Variants in ZNF804B observed in about 807,000 individuals in gnomAD.
ZNF804B encodes zinc finger 804B.
In ZNF804B, 80 loss-of-function variants were observed where a neutral mutation model predicts 101.4. That is an observed-to-expected ratio of 0.79 (90% CI 0.66 to 0.95). The LOEUF is 0.95. Among genes scored for constraint, ZNF804B ranks in the 40% least tolerant of loss-of-function variants. The probability of loss-of-function intolerance (pLI) is 0.00; values close to 1 mark genes in which losing one functional copy is unlikely to be tolerated. For missense variants in ZNF804B, 1,673 were observed against 1,561.9 expected (o/e 1.07, Z -1.20); for synonymous variants, 622 against 558.8 (o/e 1.11, Z -1.59).
chr7:89,301,318 G>T (rs1477121212), intron 2 of ZNF804B, among the ~76,000 whole-genome samples: 1 of 150,738 alleles, frequency 6.6e-6, no homozygotes, highest in East Asian at 1.9e-4. Context: ...AAATAAAGTG[G>T]CCTGCAGTCG....
chr7:89,017,751 TG>T (rs2116208925), intron 1 of ZNF804B, among the ~76,000 whole-genome samples: 1 of 152,326 alleles, frequency 6.6e-6, no homozygotes, highest in East Asian at 1.9e-4. Flanking sequence ...TGGTTAAATT[TG>T]TTCCTAGGTA....
intron 1 of ZNF804B, among the ~76,000 whole-genome samples, chr7:88,901,273 G>A (rs1300210779): frequency 6.6e-6 from 1 of 151,814 alleles, no homozygotes; most frequent in Non-Finnish European, 1.5e-5. Flanking sequence ...TGTCTGAAAT[G>A]TAGTTATCTA....
intron 1 of ZNF804B, among the ~76,000 whole-genome samples, chr7:88,876,071 A>G (rs375414963): frequency 4.6e-5 from 7 of 152,270 alleles, no homozygotes; most frequent in East Asian, 1.9e-4. Flanking sequence ...TGATATTTCT[A>G]TCATGCTTCT....
intron 1 of ZNF804B, among the ~76,000 whole-genome samples, chr7:88,788,891 A>C (rs1411749394): frequency 2.6e-5 from 4 of 152,156 alleles, no homozygotes; most frequent in Non-Finnish European, 5.9e-5. Flanking sequence ...TAATCTTTTC[A>C]ACTGAAATTA....
At chr7:88,925,892 A>G (rs533220279) in intron 1 of ZNF804B, among the ~76,000 whole-genome samples, 3 of 152,310 alleles carry the variant, frequency 2.0e-5, no homozygotes, top group East Asian at 1.9e-4. Context: ...TGACAAAGTT[A>G]TGATGCTAGG....
chr7:88,902,920 T>A (rs1042975059), intron 1 of ZNF804B, among the ~76,000 whole-genome samples: 1 of 152,236 alleles, frequency 6.6e-6, no homozygotes, highest in Non-Finnish European at 1.5e-5. Flanking sequence ...TGCCAGTTTT[T>A]GATTTTATTT....
At chr7:88,794,977 C>G in intron 1 of ZNF804B, 1 of 1,509,390 alleles carries the variant, frequency 6.6e-7, no homozygotes, top group East Asian at 2.3e-5. Flanking sequence ...ATGATTCCAG[C>G]TTTTAGCTTA....
intron 1 of ZNF804B, chr7:88,794,401 A>G: frequency 6.2e-7 from 1 of 1,613,738 alleles, no homozygotes; most frequent in South Asian, 1.1e-5. Flanking sequence ...GTAGAGTGAC[A>G]GTTTATGAGT....
At chr7:89,217,260 G>T (rs1157915705) in intron 1 of ZNF804B, among the ~76,000 whole-genome samples, 1 of 152,156 alleles carries the variant, frequency 6.6e-6, no homozygotes, top group African/African-American at 2.4e-5. Flanking sequence ...ATATTGAGAA[G>T]GTTGGCTTTA....
chr7:89,030,605 A>G (rs1287369793), intron 1 of ZNF804B, among the ~76,000 whole-genome samples: 1 of 152,162 alleles, frequency 6.6e-6, no homozygotes, highest in African/African-American at 2.4e-5. Flanking sequence ...CAAATATCTT[A>G]ACTTTTTTTG....
intron 2 of ZNF804B, among the ~76,000 whole-genome samples, chr7:89,229,511 A>C (rs1420853046): frequency 1.3e-5 from 2 of 152,262 alleles, no homozygotes; most frequent in African/African-American, 4.8e-5. Context: ...CCAAGAAGAC[A>C]TAATCTTTTA....
At chr7:88,965,386 G>T (rs1793439707) in intron 1 of ZNF804B, among the ~76,000 whole-genome samples, 1 of 151,356 alleles carries the variant, frequency 6.6e-6, no homozygotes, top group African/African-American at 2.4e-5. Context: ...ATGAATCTTT[G>T]TAAGTCCATG....
chr7:89,320,066 GA>G (rs113839456), intron 2 of ZNF804B, among the ~76,000 whole-genome samples: 12,777 of 150,698 alleles, frequency 0.085, 606 homozygotes, highest in Non-Finnish European at 0.12. Flanking sequence ...GGGGCTAGGG[GA>G]GGGATAGCAT....
intron 1 of ZNF804B, among the ~76,000 whole-genome samples, chr7:88,801,710 A>C (rs1282347048): frequency 6.6e-6 from 1 of 152,136 alleles, no homozygotes; most frequent in African/African-American, 2.4e-5. Flanking sequence ...TTTAAAAAAG[A>C]AACAAAATTA....
At chr7:88,827,588 C>G (rs1472369352) in intron 1 of ZNF804B, among the ~76,000 whole-genome samples, 1 of 152,024 alleles carries the variant, frequency 6.6e-6, no homozygotes, top group East Asian at 1.9e-4. Context: ...TCTAGGTGCA[C>G]TTTTAACAGT....
At chr7:89,276,060 A>G (rs529816110) in intron 2 of ZNF804B, among the ~76,000 whole-genome samples, 1 of 152,032 alleles carries the variant, frequency 6.6e-6, no homozygotes, top group South Asian at 2.1e-4. Context: ...TAGCAAACTA[A>G]CACAGGAACA....
intron 1 of ZNF804B, among the ~76,000 whole-genome samples, chr7:88,913,954 T>A (rs1792591468): frequency 6.6e-6 from 1 of 152,154 alleles, no homozygotes. Flanking sequence ...CTGAGCAAAG[T>A]TGCCATGGGA....
intron 2 of ZNF804B, among the ~76,000 whole-genome samples, chr7:89,314,387 C>T (rs1790690273): frequency 1.3e-5 from 2 of 152,042 alleles, no homozygotes; most frequent in South Asian, 4.1e-4. Context: ...ACTACACCTA[C>T]CAGTCATACT....
chr7:89,094,505 A>G (rs1295750992), intron 1 of ZNF804B, among the ~76,000 whole-genome samples: 4 of 152,112 alleles, frequency 2.6e-5, no homozygotes, highest in Admixed American at 1.3e-4. Flanking sequence ...ACTGCTGTCC[A>G]TAAAACAAAT....
Sources: gnomAD v4.1 joint callset for allele counts (sites outside exome capture counted in the v4.1 genomes callset) on GRCh38, gnomAD v4.1.1 for gene constraint, MANE v1.5 for transcripts, NCBI Gene and HGNC (gene_info 2026-07-23, HGNC 2026-07-21) for gene names.